The following GINS1 variants were observed in gnomAD, a reference collection of about 807,000 sequenced individuals.
GINS1 encodes GINS complex subunit 1.
In GINS1, 26 loss-of-function variants were observed where a neutral mutation model predicts 34.9. The observed-to-expected ratio is 0.74, with a 90% confidence interval of 0.55 to 1.03. The LOEUF (loss-of-function observed/expected upper bound fraction) is 1.03, where lower values mean the gene tolerates loss of function less well. GINS1 is among the 50% of genes least tolerant of loss of function. The pLI, the probability that GINS1 is intolerant of heterozygous loss-of-function variation, is 0.00. For synonymous variants in GINS1, 97 were observed against 84.4 expected (o/e 1.15, Z -0.82); for missense variants, 235 against 237.9 (o/e 0.99, Z 0.08).
At chr20:25,410,800 C>T (rs1396461024) in intron 1 of GINS1, among the ~76,000 whole-genome samples, 1 of 152,026 alleles carries the variant, frequency 6.6e-6, no homozygotes, top group Non-Finnish European at 1.5e-5. Flanking sequence ...TGACCTCAGG[C>T]GATCCACCCA....
intron 5 of GINS1, among the ~76,000 whole-genome samples, chr20:25,426,525 T>G (rs1166877847): frequency 2.7e-5 from 4 of 149,754 alleles, no homozygotes; most frequent in Non-Finnish European, 5.9e-5. Context: ...ATTGCACAAT[T>G]TTTTTTTTCT....
chr20:25,435,161 G>C (rs1005060156), intron 5 of GINS1, among the ~76,000 whole-genome samples: 6 of 152,136 alleles, frequency 3.9e-5, no homozygotes, highest in Admixed American at 3.9e-4. Context: ...TAGGATTCTT[G>C]GTTGGTGATG....
chr20:25,429,768 A>T (rs2090417038), intron 5 of GINS1, among the ~76,000 whole-genome samples: 1 of 152,184 alleles, frequency 6.6e-6, no homozygotes, highest in Non-Finnish European at 1.5e-5. Context: ...GCAAACAGAT[A>T]ATTTTAGTTT....
chr20:25,409,058 T>C (rs1462338712), intron 1 of GINS1: 2 of 982,868 alleles, frequency 2.0e-6, no homozygotes, highest in Admixed American at 1.2e-4. Context: ...AGGATGAGGT[T>C]ACTGATCTGA....
intron 5 of GINS1, among the ~76,000 whole-genome samples, chr20:25,435,713 C>G (rs1460575003): frequency 5.8e-5 from 8 of 137,102 alleles, no homozygotes; most frequent in African/African-American, 2.2e-4. Context: ...TGCAGTGAGC[C>G]GAGATCACAC....
chr20:25,433,739 A>G (rs1444700943), intron 5 of GINS1, among the ~76,000 whole-genome samples: 2 of 152,174 alleles, frequency 1.3e-5, no homozygotes, highest in African/African-American at 4.8e-5. Context: ...CAGCAGCTTG[A>G]CTTCAGTAAC....
Position 25,446,009 on chromosome 20 carries a change from T to G in GINS1, c.*18T>G, listed in dbSNP as rs759856767. Reference sequence around the variant, plus strand: ...TGTCATGACCATGCGCCGAGGCACTTCCAGGCTTCACTCAACTCATGGACT... The same window carrying G: ...TGTCATGACCATGCGCCGAGGCACTGCCAGGCTTCACTCAACTCATGGACT... On this transcript the variant is annotated 3_prime_UTR_variant, in exon 7 of 7. Transcript: ENST00000262460. 1.5e-5 allele frequency: 23 copies of G among 1,525,058 alleles called. No individual in the cohort carries two copies. In the Admixed American group the frequency reaches 3.9e-4, roughly 26 times the overall value. The allele number at this position is 1,525,058 out of a possible 1,614,324, so 94.5% of individuals were successfully genotyped here. A position where few individuals can be genotyped will look rare whatever the true frequency, so the allele number is the denominator to read the frequency against.
chr20:25,419,737 A>T, intron 4 of GINS1: 1 of 269,952 alleles, frequency 3.7e-6, no homozygotes, highest in East Asian at 1.6e-4. Flanking sequence ...TTCTCTGCTC[A>T]CTGCAACTTC....
At chr20:25,426,755 G>C (rs8113919) in intron 5 of GINS1, among the ~76,000 whole-genome samples, 93,682 of 151,578 alleles carry the variant, frequency 0.62, 30,509 homozygotes, top group African/African-American at 0.79. Flanking sequence ...GAACTCCCGA[G>C]CTCAGGTGAT....
chr20:25,438,630 T>C (rs1356188129), intron 5 of GINS1, among the ~76,000 whole-genome samples: 1 of 150,452 alleles, frequency 6.6e-6, no homozygotes, highest in African/African-American at 2.4e-5. Flanking sequence ...GCTATTTTAG[T>C]GCAAGGAGTC....
chr20:25,428,132 C>T (rs913509289), intron 5 of GINS1, among the ~76,000 whole-genome samples: 7 of 152,056 alleles, frequency 4.6e-5, no homozygotes, highest in African/African-American at 1.7e-4. Flanking sequence ...CTTGGCCTCC[C>T]AAAGTGCAGG....
chr20:25,410,336 G>A (rs1228339508), intron 1 of GINS1, among the ~76,000 whole-genome samples: 11 of 149,788 alleles, frequency 7.3e-5, no homozygotes, highest in Non-Finnish European at 1.3e-4. Context: ...GAGAGACTCC[G>A]CCTCAAAAAA....
intron 5 of GINS1, among the ~76,000 whole-genome samples, chr20:25,434,622 T>C (rs1360797548): frequency 2.0e-5 from 3 of 152,132 alleles, no homozygotes; most frequent in Non-Finnish European, 4.4e-5. Context: ...AATGTTTACA[T>C]TTTTTGTAGA....
At chr20:25,438,024 C>G (rs948871489) in intron 5 of GINS1, among the ~76,000 whole-genome samples, 3 of 148,168 alleles carry the variant, frequency 2.0e-5, no homozygotes, top group Non-Finnish European at 4.4e-5. Context: ...GAATTTGAGG[C>G]GGGAGAATCG....
At chr20:25,445,853 C>T (rs1366881804) in intron 6 of GINS1, 70 bp from the exon 7 acceptor site, 1 of 987,730 alleles carries the variant, frequency 1.0e-6, no homozygotes. Flanking sequence ...TTTAATGATA[C>T]AAGAAATAAT....
chr20:25,443,204 G>A (rs1333174709), intron 6 of GINS1: 2 of 151,972 alleles, frequency 1.3e-5, no homozygotes, highest in African/African-American at 4.8e-5. Flanking sequence ...TAATACCCTT[G>A]GAGCTTCTAA....
intron 5 of GINS1, among the ~76,000 whole-genome samples, chr20:25,427,196 G>T (rs956486842): frequency 2.0e-5 from 3 of 151,952 alleles, no homozygotes; most frequent in Non-Finnish European, 4.4e-5. Flanking sequence ...ACAGAGTTTT[G>T]CTCTTGTCAC....
rs1467955327 is a variant in GINS1, at chr20:25,447,240, A to C, written c.*1249A>C. On this transcript the variant is annotated 3_prime_UTR_variant, in exon 7 of 7. Transcript: ENST00000262460. ...TTTTTAGTAGAGACAGAGTTTTACC[A>C]TGTTGGCCAGGCTGGTTTCAAACTC... 5.3e-5 allele frequency: 8 copies of C among 152,128 alleles called. No individual in the cohort carries two copies. 9.4% of individuals were successfully genotyped at this position (152,128 alleles called of 1,614,324 possible).
In GINS1 at chr20:25,425,142, G is replaced by A. The variant is rs113717913; in HGVS notation, c.331-69G>A. On this transcript the variant is annotated intron_variant, in intron 4 of 6. Coordinates refer to ENST00000262460, the MANE Select transcript of GINS1 (RefSeq NM_021067.5). Reference sequence around the variant, plus strand: ...TTGTGTTGGGATGTGTACTGTTTTCGAATGGATGATATTCAGTGTGTGCAA... The same window carrying A: ...TTGTGTTGGGATGTGTACTGTTTTCAAATGGATGATATTCAGTGTGTGCAA... 3,066 of 734,250 alleles carry A rather than the reference G, an allele frequency of 4.2e-3. 18 individuals carry two copies. Among genetic ancestry groups the A allele is most frequent in the Middle Eastern group, 0.026 (107 of 4,192 alleles). The allele number at this position is 734,250 out of a possible 1,614,324, so 45.5% of individuals were successfully genotyped here. A position where few individuals can be genotyped will look rare whatever the true frequency, so the allele number is the denominator to read the frequency against.
Sources: gnomAD v4.1 joint callset for allele counts (sites outside exome capture counted in the v4.1 genomes callset) on GRCh38, gnomAD v4.1.1 for gene constraint, MANE v1.5 for transcripts, NCBI Gene and HGNC (gene_info 2026-07-23, HGNC 2026-07-21) for gene names.